PCDHA5: variants seen among roughly 807,000 people sequenced by gnomAD.
PCDHA5 encodes the protein protocadherin alpha 5.
Under a neutral mutation model 61.6 loss-of-function variants are expected in PCDHA5, and 43 were observed. The ratio of observed to expected loss-of-function variants is 0.70; its 90% CI spans 0.55 to 0.90. The LOEUF is 0.90. Among genes scored for constraint, PCDHA5 ranks in the 40% least tolerant of loss-of-function variants. The pLI is 0.00. For missense variants in PCDHA5, 1,298 were observed against 1,222.7 expected (o/e 1.06, Z -0.92); for synonymous variants, 627 against 543.9 (o/e 1.15, Z -2.13).
At chr5:140,999,398 A>G (rs17119351) in intron 3 of PCDHA5, among the ~76,000 whole-genome samples, 13,435 of 152,202 alleles carry the variant, frequency 0.088, 686 homozygotes, top group African/African-American at 0.14. Flanking sequence ...TTTGTTTTGC[A>G]TATGAAAGAA....
chr5:140,960,428 A>T (rs1317168418), intron 1 of PCDHA5, among the ~76,000 whole-genome samples: 3 of 152,178 alleles, frequency 2.0e-5, no homozygotes, highest in Non-Finnish European at 4.4e-5. Context: ...CAATTACTTG[A>T]TACTCTAGAT....
chr5:140,828,552 T>A (rs2150156635), intron 1 of PCDHA5: 1 of 1,614,212 alleles, frequency 6.2e-7, no homozygotes, highest in East Asian at 2.2e-5. Context: ...GTGTTTCCAC[T>A]GGAGGGCGCG....
intron 1 of PCDHA5, chr5:140,926,717 C>G (rs975992181): frequency 3.1e-6 from 3 of 967,258 alleles, no homozygotes; most frequent in East Asian, 6.0e-5. Context: ...CCAGCCCCGG[C>G]AATGCCGGCG....
intron 1 of PCDHA5, among the ~76,000 whole-genome samples, chr5:140,907,806 A>G (rs1046843294): frequency 2.6e-5 from 4 of 152,192 alleles, no homozygotes; most frequent in Non-Finnish European, 5.9e-5. Flanking sequence ...AGTGGTGTCC[A>G]CAGAACGAGT....
At chr5:140,887,059 C>G (rs1474485995) in intron 1 of PCDHA5, among the ~76,000 whole-genome samples, 1 of 151,642 alleles carries the variant, frequency 6.6e-6, no homozygotes, top group Non-Finnish European at 1.5e-5. Flanking sequence ...TATGTTCTGG[C>G]AACAAATTCA....
At position 141,012,023 on chromosome 5, in the gene PCDHA5, C is replaced by T. The variant is rs1174206729; in HGVS notation, c.*2086C>T. On this transcript the variant is annotated 3_prime_UTR_variant, in exon 4 of 4. Coordinates refer to ENST00000529859, the MANE Select transcript of PCDHA5 (RefSeq NM_018908.3). ...TATTTTGAAGGGTGTGTAACTTCAGCTCTGCAGGATTGCATGGGGTAAAAC... is the reference window on the plus strand; with the variant it reads ...TATTTTGAAGGGTGTGTAACTTCAGTTCTGCAGGATTGCATGGGGTAAAAC... The T allele has an allele frequency of 6.5e-6, 1 of 153,700 alleles. No individual in the cohort carries two copies. The highest frequency in any genetic ancestry group is 1.5e-5 in the Non-Finnish European group (1 of 68,026). The allele number at this position is 153,700 out of a possible 1,614,324, so 9.5% of individuals were successfully genotyped here.
At chr5:140,830,182 C>G (rs2150182524) in intron 1 of PCDHA5, 11 of 1,613,538 alleles carry the variant, frequency 6.8e-6, no homozygotes, top group Non-Finnish European at 8.5e-6. Flanking sequence ...TGGATGTCAA[C>G]GTGTACCTGA....
chr5:140,929,257 C>G, intron 1 of PCDHA5: 2 of 1,612,972 alleles, frequency 1.2e-6, no homozygotes, highest in Admixed American at 3.3e-5. Flanking sequence ...TGGGGTAGGA[C>G]TGAATTTGCC....
At chr5:140,877,316 C>T in intron 1 of PCDHA5, 1 of 1,613,948 alleles carries the variant, frequency 6.2e-7, no homozygotes. Flanking sequence ...CAACCGGCGG[C>T]GGTCGGCGCG....
chr5:140,881,230 G>A (rs1467821983), intron 1 of PCDHA5: 2 of 301,850 alleles, frequency 6.6e-6, no homozygotes, highest in Non-Finnish European at 9.8e-6. Flanking sequence ...GAAAATTAAA[G>A]TCAATTTAAA....
chr5:140,969,167 T>G (rs1554231527), intron 1 of PCDHA5: 1 of 1,613,668 alleles, frequency 6.2e-7, no homozygotes. Flanking sequence ...GACAGCAGGC[T>G]CAGGGAGTGA....
intron 1 of PCDHA5, chr5:140,929,118 A>G: frequency 2.5e-6 from 4 of 1,614,150 alleles, no homozygotes; most frequent in Non-Finnish European, 3.4e-6. Flanking sequence ...CAGCCACCAT[A>G]GATGTCACTA....
At chr5:140,892,207 A>C (rs1562863208) in intron 1 of PCDHA5, among the ~76,000 whole-genome samples, 1 of 152,110 alleles carries the variant, frequency 6.6e-6, no homozygotes, top group African/African-American at 2.4e-5. Context: ...TGTGTTTTAA[A>C]ATTGTATCTT....
chr5:140,927,339 A>G lies in PCDHA5; in HGVS notation c.2353-51610A>G, dbSNP rs532353795. 3.7e-6 allele frequency: 6 copies of G among 1,614,052 alleles called. No individual in the cohort carries two copies. The South Asian group carries it at 4.4e-5, about 12-fold the overall frequency. The stretch of plus-strand genomic sequence containing the variant: ...CCCGCTTTACTCTCCCGAATGCCCA[A>G]GATGACGACGAGGGAAGCAATGGGA... On this transcript the variant is annotated intron_variant, in intron 1 of 3. Transcript: ENST00000529859.
chr5:140,868,978 C>T, intron 1 of PCDHA5: 2 of 1,484,292 alleles, frequency 1.3e-6, no homozygotes, highest in Non-Finnish European at 1.8e-6. Context: ...CTCCATCATA[C>T]CGGATGCCAC....
chr5:140,830,390 A>G (rs1554132803), intron 1 of PCDHA5: 3 of 1,614,042 alleles, frequency 1.9e-6, no homozygotes, highest in South Asian at 1.1e-5. Flanking sequence ...CCCACCCAAG[A>G]TGGATCTCAT....
Position 140,821,673 on chromosome 5 carries a change from G to A in PCDHA5, c.-103G>A, listed in dbSNP as rs1767026894. ...ATTTTTGGCTGTGCCAAGAAGCTCA[G>A]AAAGGCGATAATATAAAAAATATAT... is the stretch of plus-strand genomic sequence containing the variant. On this transcript the variant is annotated 5_prime_UTR_variant, in exon 1 of 4. Coordinates refer to ENST00000529859, the MANE Select transcript of PCDHA5 (RefSeq NM_018908.3). 3 of 1,306,066 alleles carry A rather than the reference G, an allele frequency of 2.3e-6. No individual in the cohort carries two copies. Among genetic ancestry groups the A allele is most frequent in the African/African-American group, 3.0e-5 (2 of 66,596 alleles). The allele number at this position is 1,306,066 out of a possible 1,614,324, so 80.9% of individuals were successfully genotyped here. A position where few individuals can be genotyped will look rare whatever the true frequency, so the allele number is the denominator to read the frequency against.
Position 140,822,603 on chromosome 5 carries a change from A to G in PCDHA5, c.828A>G (p.Ile276Met). Residue 276 changes from isoleucine to methionine, a missense_variant, in exon 1 of 4, where the codon ATA (isoleucine) becomes ATG (methionine). By Grantham distance (10) the Ile-to-Met change is conservative (BLOSUM62 1). Transcript: ENST00000529859. ...SDADEGINKE[I>M]VYFFSNLVLD... ...CAGATGAGGGCATCAATAAGGAAAT[A>G]GTGTATTTCTTTAGTAATCTTGTTC... 1 of 1,611,500 alleles carries G rather than the reference A, an allele frequency of 6.2e-7. No homozygotes were observed. The highest frequency in any genetic ancestry group is 8.5e-7 in the Non-Finnish European group (1 of 1,177,938).
At chr5:140,929,175 A>G (rs1554206790) in intron 1 of PCDHA5, 2 of 1,614,126 alleles carry the variant, frequency 1.2e-6, no homozygotes, top group East Asian at 4.5e-5. Flanking sequence ...CCTCTCTGGG[A>G]CTTGGTTCTG....
Sources: gnomAD v4.1 joint callset for allele counts (sites outside exome capture counted in the v4.1 genomes callset) on GRCh38, gnomAD v4.1.1 for gene constraint, MANE v1.5 for transcripts, NCBI Gene and HGNC (gene_info 2026-07-23, HGNC 2026-07-21) for gene names.